IBTK: variants seen among roughly 807,000 people sequenced by gnomAD.
The protein encoded by IBTK is BTK-binding protein.
A neutral mutation model predicts 154.9 loss-of-function variants in IBTK; 83 were observed. The observed-to-expected ratio is 0.54, with a 90% CI of 0.45 to 0.64. The LOEUF (loss-of-function observed/expected upper bound fraction) is 0.64. Among genes scored for constraint, IBTK ranks in the 30% least tolerant of loss-of-function variants. The probability of loss-of-function intolerance (pLI) is 0.00; values close to 1 mark genes in which losing one functional copy is unlikely to be tolerated. For missense variants in IBTK, 1,332 were observed against 1,584.6 expected (o/e 0.84, Z 2.71); for synonymous variants, 515 against 536.1 (o/e 0.96, Z 0.54).
intron 2 of IBTK, among the ~76,000 whole-genome samples, chr6:82,235,339 T>C (rs1770675527): frequency 6.6e-6 from 1 of 152,086 alleles, no homozygotes; most frequent in Non-Finnish European, 1.5e-5. Flanking sequence ...CTCATGACTA[T>C]AATCCCAGCA....
chr6:82,211,656 G>T, intron 13 of IBTK, 84 bp from the exon 14 acceptor site: 6 of 1,054,474 alleles, frequency 5.7e-6, no homozygotes, highest in Non-Finnish European at 8.7e-6. Context: ...TTAACTTTCA[G>T]TTTTCTCTTA....
At chr6:82,172,691 A>G in intron 27 of IBTK, 179 bp from the exon 28 acceptor site, 1 of 563,190 alleles carries the variant, frequency 1.8e-6, no homozygotes. Context: ...AAATTTTTGC[A>G]TGCAAAATTT....
At chr6:82,204,058 A>C (rs377715098) in intron 17 of IBTK, among the ~76,000 whole-genome samples, 2 of 152,194 alleles carry the variant, frequency 1.3e-5, no homozygotes, top group East Asian at 3.8e-4. Context: ...GAAGCTAAGG[A>C]AAGTTAACCT....
rs1348417920 is a variant in IBTK at position 82,216,080 on chromosome 6, T to C, written c.1597A>G (p.Thr533Ala). 4 of 1,603,270 alleles carry C rather than the reference T, an allele frequency of 2.5e-6. No individual in the cohort carries two copies. The East Asian group carries it at 8.9e-5, about 36-fold the overall frequency. ...NFAILQSDPK[T>A]SLYEIPAVSS... Reference sequence around the variant, plus strand: ...ATTTAATATATACAAGTATACCTTGTTTTAGGATCTGACTGCAGGATTGCA... The same window carrying C: ...ATTTAATATATACAAGTATACCTTGCTTTAGGATCTGACTGCAGGATTGCA... The change falls in exon 11 of 29, where the codon ACA (threonine) becomes GCA (alanine). Residue 533 changes from threonine to alanine, a missense_variant. Physicochemically the swap from Thr to Ala is moderately conservative, Grantham distance 58. This residue lies in a region of IBTK where 1,134 missense variants were observed against 1,274.7 expected (regional missense o/e 0.89). Coordinates refer to ENST00000306270, the MANE Select transcript of IBTK (RefSeq NM_015525.4).
chr6:82,223,384 G>A, intron 8 of IBTK, 56 bp downstream of exon 8: 4 of 1,376,136 alleles, frequency 2.9e-6, no homozygotes, highest in African/African-American at 2.9e-5. Flanking sequence ...TCAGATATTT[G>A]CTGGAAGAGT....
intron 3 of IBTK, 148 bp downstream of exon 3, chr6:82,234,011 G>T (rs1171137545): frequency 2.3e-5 from 9 of 384,588 alleles, no homozygotes; most frequent in Non-Finnish European, 3.9e-5. Context: ...TTACAGGTGT[G>T]AGCCGCAGCG....
At chr6:82,225,826 G>C (rs571092924) in intron 5 of IBTK, among the ~76,000 whole-genome samples, 179 bp from the exon 6 acceptor site, 3 of 152,160 alleles carry the variant, frequency 2.0e-5, no homozygotes, top group Admixed American at 2.0e-4. Flanking sequence ...GGATATGGTT[G>C]TAAGTTTATG....
chr6:82,220,027 T>TG, intron 9 of IBTK, among the ~76,000 whole-genome samples: 1 of 152,086 alleles, frequency 6.6e-6, no homozygotes, highest in East Asian at 1.9e-4. Context: ...CTGGCTAACA[T>TG]GGCGAAACCC....
intron 10 of IBTK, among the ~76,000 whole-genome samples, chr6:82,216,796 G>A (rs981188064): frequency 6.6e-6 from 1 of 151,988 alleles, no homozygotes; most frequent in African/African-American, 2.4e-5. Flanking sequence ...TGCTCTCCTC[G>A]AGTACACAAT....
intron 1 of IBTK, among the ~76,000 whole-genome samples, chr6:82,246,591 C>G (rs1450839862): frequency 6.6e-6 from 1 of 152,066 alleles, no homozygotes; most frequent in Non-Finnish European, 1.5e-5. Context: ...GCGTGAGCCA[C>G]CGCGCCCGGC....
Position 82,212,746 on chromosome 6 carries a change from T to C in IBTK, c.2252A>G (p.Lys751Arg). Residue 751 changes from lysine to arginine, a missense_variant, in exon 13 of 29, where the codon AAG becomes AGG. Physicochemically the swap from Lys to Arg is conservative, Grantham distance 26 (BLOSUM62 2). Around this residue, in one of 3 missense-constraint regions of IBTK, gnomAD observed 1,134 missense variants for 1,274.7 expected, o/e 0.89. Transcript: ENST00000306270. ...TAGCTTCAGTTTATTACCAGTGTTC[T>C]TGGCAATAACATTAATTTTTTCATT... ...FENEKINVIA[K>R]NTGNKLKLSQ... The C allele has an allele frequency of 6.3e-7, 1 of 1,599,070 alleles. No individual in the cohort carries two copies. Among genetic ancestry groups the C allele is most frequent in the African/African-American group, 1.3e-5 (1 of 74,744 alleles).
chr6:82,184,774 T>C (rs1042069288), intron 25 of IBTK, among the ~76,000 whole-genome samples: 1 of 152,182 alleles, frequency 6.6e-6, no homozygotes, highest in African/African-American at 2.4e-5. Flanking sequence ...TGCTAATGAA[T>C]TGCACATTAA....
Position 82,190,527 on chromosome 6 carries a change from T to G in IBTK, c.3575+546A>C, listed in dbSNP as rs111290841. On this transcript the variant is annotated intron_variant, in intron 25 of 28. Transcript: ENST00000306270. ...CTGACCTCTTTGGAGGTTATTCCAATGCTGCCACTATGTGTAAATTCCAAT... is the reference window on the plus strand; with the variant it reads ...CTGACCTCTTTGGAGGTTATTCCAAGGCTGCCACTATGTGTAAATTCCAAT... Among the ~76,000 whole-genome samples the G allele has an allele frequency of 3.0e-3, 461 of 152,282 alleles. 3 individuals are homozygous for G. Among genetic ancestry groups the G allele is most frequent in the African/African-American group, 0.01 (427 of 41,570 alleles).
At chr6:82,221,522 A>G (rs1358638312) in intron 8 of IBTK, among the ~76,000 whole-genome samples, 1 of 152,186 alleles carries the variant, frequency 6.6e-6, no homozygotes, top group East Asian at 1.9e-4. Context: ...CATTAGCTAC[A>G]CATTTCATTA....
chr6:82,228,297 T>C (rs542556714), intron 4 of IBTK, among the ~76,000 whole-genome samples: 1 of 152,238 alleles, frequency 6.6e-6, no homozygotes, highest in South Asian at 2.1e-4. Context: ...AATTATAAGC[T>C]AGACAAGCTC....
intron 21 of IBTK, among the ~76,000 whole-genome samples, chr6:82,197,849 C>A (rs551133403): frequency 2.6e-5 from 4 of 152,142 alleles, no homozygotes; most frequent in East Asian, 3.8e-4. Context: ...ACTTTAAGAT[C>A]GACACAGATG....
At chr6:82,171,633 C>T (rs1008707285) in intron 28 of IBTK, 77 bp from the exon 29 acceptor site, 3 of 1,282,362 alleles carry the variant, frequency 2.3e-6, no homozygotes, top group African/African-American at 3.0e-5. Context: ...CTTCCAATTT[C>T]CTTTTGAGGA....
chr6:82,233,650 G>A (rs1254085718), intron 3 of IBTK, among the ~76,000 whole-genome samples: 4 of 146,612 alleles, frequency 2.7e-5, no homozygotes, highest in Admixed American at 2.7e-4. Flanking sequence ...ACTTTAAGAA[G>A]AATAAAATTT....
chr6:82,181,883 C>T lies in IBTK; in HGVS notation c.3721G>A (p.Val1241Ile). Residue 1241 changes from valine to isoleucine, a missense_variant, in exon 26 of 29, where the codon GTC becomes ATC. Val to Ile is a conservative substitution (Grantham distance 29). Transcript: ENST00000306270. ...GIENSQAPKI[V>I]RCSTHGTPGP... ...GTTTTAAGTTTGTTTTATTACCTGA[C>T]AATTTTTGGTGCCTGAGAATTTTCA... is the stretch of plus-strand genomic sequence containing the variant. 1.3e-6 allele frequency: 2 copies of T among 1,572,126 alleles called. No homozygotes were observed. The highest frequency in any genetic ancestry group is 1.7e-6 in the Non-Finnish European group (2 of 1,166,036).
Sources: gnomAD v4.1 joint callset for allele counts (sites outside exome capture counted in the v4.1 genomes callset) on GRCh38, gnomAD v4.1.1 for gene constraint, gnomAD v4.1.1 regional missense constraint, MANE v1.5 for transcripts, NCBI Gene and HGNC (gene_info 2026-07-23, HGNC 2026-07-21) for gene names.